UBE3C: variants seen among roughly 807,000 people sequenced by gnomAD.
The protein encoded by UBE3C is ubiquitin protein ligase E3C.
UBE3C carries 42 observed loss-of-function variants against 129.4 expected under a neutral mutation model. The observed-to-expected ratio is 0.32, with a 90% CI of 0.25 to 0.42. The LOEUF is 0.42. Among genes scored for constraint, UBE3C ranks in the 10% least tolerant of loss-of-function variants. The pLI is 1.00. For missense variants in UBE3C, 1,049 were observed against 1,319.1 expected (o/e 0.80, Z 3.17); for synonymous variants, 510 against 492.4 (o/e 1.04, Z -0.47).
At chr7:157,237,025 C>G (rs760219091) in intron 18 of UBE3C, among the ~76,000 whole-genome samples, 3 of 152,160 alleles carry the variant, frequency 2.0e-5, no homozygotes, top group Admixed American at 2.0e-4. Context: ...AGCCAGCACA[C>G]CCGGCAAGAC....
At chr7:157,140,774 G>A (rs893732915) in intron 1 of UBE3C, among the ~76,000 whole-genome samples, 6 of 152,206 alleles carry the variant, frequency 3.9e-5, no homozygotes, top group Admixed American at 6.5e-5. Context: ...GTGCATCTCT[G>A]CTCTGAGGGA....
intron 21 of UBE3C, among the ~76,000 whole-genome samples, chr7:157,255,411 C>A (rs1227879005): frequency 6.6e-6 from 1 of 152,190 alleles, no homozygotes; most frequent in Admixed American, 6.5e-5. Flanking sequence ...TTACATATAA[C>A]CTGTGTGTAT....
chr7:157,212,826 G>A (rs1015824815), intron 13 of UBE3C, among the ~76,000 whole-genome samples: 2 of 151,978 alleles, frequency 1.3e-5, no homozygotes, highest in Admixed American at 6.6e-5. Context: ...ACAGTGGCTC[G>A]ATCTCACTGC....
chr7:157,151,310 G>A (rs1397086684), intron 1 of UBE3C, among the ~76,000 whole-genome samples: 1 of 152,206 alleles, frequency 6.6e-6, no homozygotes, highest in Non-Finnish European at 1.5e-5. Flanking sequence ...CTTACCTTCT[G>A]TATCAGTAGT....
At chr7:157,203,688 G>A (rs1809351954) in intron 11 of UBE3C, among the ~76,000 whole-genome samples, 1 of 152,252 alleles carries the variant, frequency 6.6e-6, no homozygotes, top group African/African-American at 2.4e-5. Context: ...TTTTATGATA[G>A]GGTAGTTTTA....
At chr7:157,196,766 TGA>T (rs1809131520) in intron 10 of UBE3C, among the ~76,000 whole-genome samples, 1 of 152,100 alleles carries the variant, frequency 6.6e-6, no homozygotes, top group African/African-American at 2.4e-5. Context: ...GTCGGGAGTT[TGA>T]GACCAGCCTG....
rs1796211123 is a variant in UBE3C, at chr7:157,238,514, G to A, written c.2481+7187G>A. Among the ~76,000 whole-genome samples the A allele has an allele frequency of 1.3e-5, 2 of 152,146 alleles. 1 individual carries two copies. The highest frequency in any genetic ancestry group is 4.1e-4 in the South Asian group (2 of 4,826). ...ATGTGTGAGGACAGGAGAAGGTAAGGGAACCACCTGGGTTCTGTTATGAGA... is the reference window on the plus strand; with the variant it reads ...ATGTGTGAGGACAGGAGAAGGTAAGAGAACCACCTGGGTTCTGTTATGAGA... On this transcript the variant is annotated intron_variant, in intron 18 of 22. Transcript: ENST00000348165.
At chr7:157,247,049 C>T (rs981746837) in intron 18 of UBE3C, among the ~76,000 whole-genome samples, 4 of 152,286 alleles carry the variant, frequency 2.6e-5, no homozygotes, top group South Asian at 2.1e-4. Flanking sequence ...TGCCACCACA[C>T]GTAGCTAATT....
intron 2 of UBE3C, among the ~76,000 whole-genome samples, chr7:157,164,097 T>C (rs1195156865): frequency 6.6e-6 from 1 of 152,138 alleles, no homozygotes; most frequent in African/African-American, 2.4e-5. Context: ...TTGACTTACA[T>C]AATGATATGG....
In UBE3C at chr7:157,245,580, C is replaced by T. The variant is rs73743325; in HGVS notation, c.2482-2788C>T. ...TGCCTGTTGCCATTTTATTCATTCT[C>T]TCATTAAGAAACCCTTTTTTGCTAT... On this transcript the variant is annotated intron_variant, in intron 18 of 22. Coordinates refer to ENST00000348165, the MANE Select transcript of UBE3C (RefSeq NM_014671.3). Among the ~76,000 whole-genome samples the T allele has an allele frequency of 4.8e-3, 734 of 152,302 alleles. 4 individuals are homozygous for T. Among genetic ancestry groups the T allele is most frequent in the African/African-American group, 0.017 (705 of 41,556 alleles).
chr7:157,200,606 A>G (rs1809252702), intron 10 of UBE3C, among the ~76,000 whole-genome samples: 1 of 152,172 alleles, frequency 6.6e-6, no homozygotes, highest in Non-Finnish European at 1.5e-5. Context: ...TTTAAATCTA[A>G]TATTATAGAG....
intron 2 of UBE3C, among the ~76,000 whole-genome samples, chr7:157,166,531 G>A (rs1013976791): frequency 3.9e-5 from 6 of 151,916 alleles, no homozygotes; most frequent in African/African-American, 9.7e-5. Flanking sequence ...ACCTGAGGTT[G>A]GGAGTTCGAG....
At chr7:157,150,256 G>A (rs940995129) in intron 1 of UBE3C, among the ~76,000 whole-genome samples, 1 of 152,110 alleles carries the variant, frequency 6.6e-6, no homozygotes, top group East Asian at 1.9e-4. Context: ...GCACCCGCCT[G>A]TAATCCCAGC....
rs761689352 is a variant in UBE3C, at chr7:157,170,332, G to A, written c.224G>A (p.Arg75His). ...TCCATCCAAAGAAGTGCATTTGATC[G>A]CTGTGCTACCTTGTCACAGTCCGGG... ...QYSIQRSAFD[R>H]CATLSQSGGA... The change falls in exon 4 of 23, where the codon CGC becomes CAC. Residue 75 changes from arginine to histidine, a missense_variant. Around this residue, in one of 4 missense-constraint regions of UBE3C, gnomAD observed 489 missense variants for 513.8 expected, o/e 0.95. Coordinates refer to ENST00000348165, the MANE Select transcript of UBE3C (RefSeq NM_014671.3). The A allele has an allele frequency of 2.2e-5, 33 of 1,519,768 alleles. No individual in the cohort carries two copies. Among genetic ancestry groups the A allele is most frequent in the South Asian group, 9.2e-5 (7 of 76,380 alleles). 94.1% of individuals were successfully genotyped at this position (1,519,768 alleles called of 1,614,324 possible). A position where few individuals can be genotyped will look rare whatever the true frequency, so the allele number is the denominator to read the frequency against.
intron 1 of UBE3C, among the ~76,000 whole-genome samples, chr7:157,153,556 G>C (rs1807817427): frequency 6.6e-6 from 1 of 152,040 alleles, no homozygotes; most frequent in Admixed American, 6.5e-5. Flanking sequence ...GCTTCCCCAG[G>C]TAATCCCAAG....
At chr7:157,166,047 A>G (rs1486367510) in intron 2 of UBE3C, among the ~76,000 whole-genome samples, 1 of 152,250 alleles carries the variant, frequency 6.6e-6, no homozygotes, top group Non-Finnish European at 1.5e-5. Context: ...CTTGTGAGAC[A>G]GGAAGTTTTC....
intron 1 of UBE3C, among the ~76,000 whole-genome samples, chr7:157,144,005 T>C (rs1354347989): frequency 1.3e-5 from 2 of 152,176 alleles, no homozygotes; most frequent in Non-Finnish European, 2.9e-5. Flanking sequence ...CAATGCCAAG[T>C]GCTGCACAGA....
chr7:157,167,753 G>T (rs1315255775), intron 2 of UBE3C, among the ~76,000 whole-genome samples: 1 of 151,644 alleles, frequency 6.6e-6, no homozygotes, highest in Non-Finnish European at 1.5e-5. Flanking sequence ...AACCAGGATG[G>T]TCTCGATCTC....
intron 10 of UBE3C, chr7:157,192,349 C>T (rs537456916): frequency 2.6e-5 from 16 of 613,468 alleles, no homozygotes; most frequent in South Asian, 1.0e-4. Flanking sequence ...CCGCCATCTG[C>T]GGTGGAGCCG....
Sources: allele counts gnomAD v4.1 joint callset (sites outside exome capture counted in the v4.1 genomes callset), GRCh38; gene constraint gnomAD v4.1.1; regional missense constraint gnomAD v4.1.1; transcripts MANE v1.5; gene names NCBI Gene and HGNC (gene_info 2026-07-23, HGNC 2026-07-21).